Variants in SMIM17 observed in about 807,000 individuals in gnomAD.
The protein encoded by SMIM17 is small integral membrane protein 17.
Under a neutral mutation model 12.2 loss-of-function variants are expected in SMIM17, and 10 were observed. The observed-to-expected ratio is 0.82, with a 90% CI of 0.50 to 1.39. The LOEUF is 1.39. SMIM17 is among the 40% of genes most tolerant of loss of function. The pLI, the probability that SMIM17 is intolerant of heterozygous loss-of-function variation, is 0.00. For missense variants in SMIM17, 136 were observed against 118.2 expected (o/e 1.15, Z -0.70); for synonymous variants, 50 against 44.1 (o/e 1.13, Z -0.53).
chr19:56,644,792 TGA>T (rs1169487934), intron 1 of SMIM17, among the ~76,000 whole-genome samples: 3 of 152,272 alleles, frequency 2.0e-5, no homozygotes, highest in East Asian at 1.9e-4. Flanking sequence ...GATTGATTTT[TGA>T]GAGAGTCTTT....
At chr19:56,652,754 C>G (rs768377007) in intron 3 of SMIM17, among the ~76,000 whole-genome samples, 21 of 151,982 alleles carry the variant, frequency 1.4e-4, no homozygotes, top group Non-Finnish European at 1.6e-4. Context: ...TGGCTGTGGA[C>G]TGCCCTGGAG....
chr19:56,654,002 T>C (rs964523485), intron 3 of SMIM17, among the ~76,000 whole-genome samples: 1 of 152,246 alleles, frequency 6.6e-6, no homozygotes, highest in East Asian at 1.9e-4. Context: ...AAATTCATCA[T>C]TAATTTGGAA....
At chr19:56,649,418 G>A (rs771357694) in intron 3 of SMIM17, among the ~76,000 whole-genome samples, 7 of 149,328 alleles carry the variant, frequency 4.7e-5, no homozygotes, top group Middle Eastern at 3.2e-3. Context: ...CACAGTCACC[G>A]AGGTAGACAG....
chr19:56,651,078 C>T (rs1308903916), intron 3 of SMIM17, among the ~76,000 whole-genome samples: 3 of 152,108 alleles, frequency 2.0e-5, no homozygotes, highest in African/African-American at 7.2e-5. Flanking sequence ...GAAAGAGGAG[C>T]GGGCTGTCTG....
intron 3 of SMIM17, among the ~76,000 whole-genome samples, 152 bp from the exon 4 acceptor site, chr19:56,654,946 TTTATC>T (rs1777743642): frequency 6.6e-6 from 1 of 152,194 alleles, no homozygotes; most frequent in African/African-American, 2.4e-5. Flanking sequence ...CATTCTTTTG[TTTATC>T]TTATATCTAC....
rs1412072697 is a variant in SMIM17, at chr19:56,657,134, A to G, written c.*1921A>G. Among the ~76,000 whole-genome samples the G allele has an allele frequency of 6.6e-6, 1 of 152,226 alleles. No individual in the cohort carries two copies. The highest frequency in any genetic ancestry group is 2.4e-5 in the African/African-American group (1 of 41,452). On this transcript the variant is annotated 3_prime_UTR_variant, in exon 4 of 4. Transcript: ENST00000598409. The stretch of plus-strand genomic sequence containing the variant: ...ATGTACTCAACAGCTGTGTAATTCG[A>G]GGCATATAAGTGCAGCATTGTTATG...
At chr19:56,648,262 C>G (rs1016665839) in intron 3 of SMIM17, among the ~76,000 whole-genome samples, 2 of 150,996 alleles carry the variant, frequency 1.3e-5, no homozygotes, top group African/African-American at 4.9e-5. Context: ...CACCCTCTCA[C>G]CTTTCCATTC....
intron 3 of SMIM17, among the ~76,000 whole-genome samples, chr19:56,649,033 T>C (rs954355332): frequency 6.6e-6 from 1 of 152,034 alleles, no homozygotes; most frequent in Non-Finnish European, 1.5e-5. Context: ...CAACAAACCA[T>C]GATAGTGCAG....
chr19:56,649,751 G>A (rs558446657), intron 3 of SMIM17, among the ~76,000 whole-genome samples: 1 of 152,226 alleles, frequency 6.6e-6, no homozygotes, highest in East Asian at 1.9e-4. Flanking sequence ...GCTGGAGGGT[G>A]GGAGGGAGGA....
chr19:56,643,505 G>C (rs144185749), intron 1 of SMIM17, among the ~76,000 whole-genome samples: 1 of 152,150 alleles, frequency 6.6e-6, no homozygotes, highest in Non-Finnish European at 1.5e-5. Context: ...GTGAGGAGGG[G>C]AGCACAGACC....
At chr19:56,648,404 TCCA>T (rs1248722576) in intron 3 of SMIM17, among the ~76,000 whole-genome samples, 87 of 151,996 alleles carry the variant, frequency 5.7e-4, no homozygotes, top group Middle Eastern at 3.4e-3. Flanking sequence ...CATCCATCCA[TCCA>T]TCCACCCATT....
Position 56,657,133 on chromosome 19 carries a change from G to A in SMIM17, c.*1920G>A, listed in dbSNP as rs751335572. Among the ~76,000 whole-genome samples the A allele has an allele frequency of 4.7e-4, 71 of 152,046 alleles. No homozygotes were observed. The highest frequency in any genetic ancestry group is 8.1e-4 in the Non-Finnish European group (55 of 68,026). On this transcript the variant is annotated 3_prime_UTR_variant, in exon 4 of 4. Coordinates refer to ENST00000598409, the MANE Select transcript of SMIM17 (RefSeq NM_001193628.2). ...TATGTACTCAACAGCTGTGTAATTC[G>A]AGGCATATAAGTGCAGCATTGTTAT...
At position 56,647,541 on chromosome 19, in the gene SMIM17, C is replaced by T. The variant is rs1462040850; in HGVS notation, c.170-17C>T. 1 of 1,533,722 alleles carries T rather than the reference C, an allele frequency of 6.5e-7. No individual in the cohort carries two copies. The highest frequency in any genetic ancestry group is 2.4e-5 in the East Asian group (1 of 40,854). ...TCACTCATGGCTCCTTTTTCCTCCA[C>T]TCCCACCCTCACCCAGACCTGTCTT... On this transcript the variant is annotated splice_polypyrimidine_tract_variant and intron_variant, in intron 2 of 3. Transcript: ENST00000598409.
intron 1 of SMIM17, 25 bp from the exon 2 acceptor site, chr19:56,645,543 C>T: frequency 2.3e-6 from 2 of 884,584 alleles, no homozygotes; most frequent in Non-Finnish European, 3.2e-6. Context: ...TGTAATGATT[C>T]ACTGAATGAT....
intron 3 of SMIM17, among the ~76,000 whole-genome samples, chr19:56,654,373 C>T (rs906735107): frequency 2.0e-5 from 3 of 152,236 alleles, no homozygotes; most frequent in African/African-American, 7.2e-5. Flanking sequence ...ATGACGTCAG[C>T]GTTAGAAGGA....
At chr19:56,649,021 G>A (rs2045089313) in intron 3 of SMIM17, among the ~76,000 whole-genome samples, 1 of 152,150 alleles carries the variant, frequency 6.6e-6, no homozygotes, top group Admixed American at 6.5e-5. Context: ...AAACAAACTG[G>A]CCAACAAACC....
rs72370552 is a variant in SMIM17, at chr19:56,647,420, T to TGAGAGAGAGAGAGAGAGAGAGAGA, written c.170-130_170-107dup. 3.8e-5 allele frequency: 21 copies of TGAGAGAGAGAGAGAGAGAGAGAGA among 548,572 alleles called. No homozygotes were observed. In the African/African-American group the frequency reaches 4.2e-4, roughly 11 times the overall value. The allele number at this position is 548,572 out of a possible 1,614,324, so 34.0% of individuals were successfully genotyped here. A position where few individuals can be genotyped will look rare whatever the true frequency, so the allele number is the denominator to read the frequency against. ...GAGAGAGAGAGAGAGAGAAGGAGGG[T>TGAGAGAGAGAGAGAGAGAGAGAGA]GAGAGAGAGAGAGAGAGAGAGAGAG... On this transcript the variant is annotated intron_variant, in intron 2 of 3. Transcript: ENST00000598409.
intron 3 of SMIM17, among the ~76,000 whole-genome samples, chr19:56,654,670 G>A (rs2045135402): frequency 1.3e-5 from 2 of 151,798 alleles, no homozygotes; most frequent in Admixed American, 6.6e-5. Flanking sequence ...GCTTTTTTTT[G>A]TGGGGGACAT....
rs1388034220 is a variant in SMIM17 at position 56,656,261 on chromosome 19, C to G, written c.*1048C>G. 1.3e-5 allele frequency among the ~76,000 whole-genome samples: 2 copies of G among 152,032 alleles called. No individual in the cohort carries two copies. Among genetic ancestry groups the G allele is most frequent in the Non-Finnish European group, 2.9e-5 (2 of 67,998 alleles). On this transcript the variant is annotated 3_prime_UTR_variant, in exon 4 of 4. Coordinates refer to ENST00000598409, the MANE Select transcript of SMIM17 (RefSeq NM_001193628.2). ...GCCCAGCCCAGAGTTCTTTTATCCT[C>G]TAGAAAATTCTTCATTCCATAGAGC...
Sources: gnomAD v4.1 joint callset for allele counts (sites outside exome capture counted in the v4.1 genomes callset) on GRCh38, gnomAD v4.1.1 for gene constraint, MANE v1.5 for transcripts, NCBI Gene and HGNC (gene_info 2026-07-23, HGNC 2026-07-21) for gene names.